The following POU6F2 variants were observed in gnomAD, a reference collection of about 807,000 sequenced individuals.
POU6F2 encodes POU class 6 homeobox 2, also known as POU domain, class 6, transcription factor 2.
Under a neutral mutation model 71.3 loss-of-function variants are expected in POU6F2, and 31 were observed. The ratio of observed to expected loss-of-function variants is 0.43; its 90% CI spans 0.33 to 0.59. The LOEUF (loss-of-function observed/expected upper bound fraction) is 0.59. Among genes scored for constraint, POU6F2 ranks in the 20% least tolerant of loss-of-function variants. The pLI is 0.04. For missense variants in POU6F2, 783 were observed against 856.8 expected (o/e 0.91, Z 1.07); for synonymous variants, 347 against 355.7 (o/e 0.98, Z 0.27).
intron 1 of POU6F2, among the ~76,000 whole-genome samples, chr7:39,070,389 T>A (rs1180404252): frequency 6.8e-6 from 1 of 147,980 alleles, no homozygotes; most frequent in African/African-American, 2.7e-5. Context: ...ACACTTCTGC[T>A]TTTGCCTCCA....
At chr7:39,327,131 C>T (rs1416617167) in intron 4 of POU6F2, among the ~76,000 whole-genome samples, 2 of 151,824 alleles carry the variant, frequency 1.3e-5, no homozygotes, top group Non-Finnish European at 2.9e-5. Context: ...TACAAAAAAT[C>T]AGCCTGGCGT....
chr7:39,071,309 G>C (rs1222500859), intron 1 of POU6F2, among the ~76,000 whole-genome samples: 1 of 151,892 alleles, frequency 6.6e-6, no homozygotes, highest in Non-Finnish European at 1.5e-5. Context: ...TGCCACCAGT[G>C]ATCCGACAGG....
chr7:39,406,571 T>C, intron 5 of POU6F2, 29 bp from the exon 6 acceptor site: 1 of 1,580,580 alleles, frequency 6.3e-7, no homozygotes, highest in South Asian at 1.1e-5. Flanking sequence ...TCTCGGTGGT[T>C]TTCACGGTGA....
At chr7:39,008,315 T>C (rs979489344) in intron 1 of POU6F2, among the ~76,000 whole-genome samples, 1 of 152,016 alleles carries the variant, frequency 6.6e-6, no homozygotes, top group East Asian at 1.9e-4. Context: ...TTTGGCTGCA[T>C]AAATATCTTC....
intron 5 of POU6F2, among the ~76,000 whole-genome samples, chr7:39,380,275 CA>C (rs1481996871): frequency 6.6e-6 from 1 of 152,142 alleles, no homozygotes; most frequent in Non-Finnish European, 1.5e-5. Flanking sequence ...GCCTCTTGGA[CA>C]AGGCATTTAA....
chr7:39,304,144 A>G (rs558832481), intron 4 of POU6F2, among the ~76,000 whole-genome samples: 1 of 152,328 alleles, frequency 6.6e-6, no homozygotes, highest in East Asian at 1.9e-4. Flanking sequence ...TTTATATTAA[A>G]AGCCCACCGA....
chr7:39,133,219 T>A (rs570539057), intron 2 of POU6F2, among the ~76,000 whole-genome samples: 1 of 152,206 alleles, frequency 6.6e-6, no homozygotes, highest in African/African-American at 2.4e-5. Flanking sequence ...TCTCTGAGTG[T>A]TGTAGTCAGC....
intron 2 of POU6F2, among the ~76,000 whole-genome samples, chr7:39,146,923 G>T (rs1792636496): frequency 6.6e-6 from 1 of 151,960 alleles, no homozygotes; most frequent in Non-Finnish European, 1.5e-5. Flanking sequence ...GAACTTAATG[G>T]CTTGAATATT....
intron 2 of POU6F2, among the ~76,000 whole-genome samples, chr7:39,103,610 G>A (rs1273557929): frequency 6.6e-6 from 1 of 152,164 alleles, no homozygotes; most frequent in South Asian, 2.1e-4. Flanking sequence ...TATCTCTTCA[G>A]AGAAAACTAG....
rs778523090 is a variant in POU6F2, at chr7:39,406,720, G to C, written c.1093G>C (p.Val365Leu). Residue 365 changes from valine to leucine, a missense_variant, in exon 6 of 10, where the codon GTT becomes CTT. Coordinates refer to ENST00000518318, the MANE Select transcript of POU6F2 (RefSeq NM_001370959.1). Reference sequence around the variant, plus strand: ...TCTTCAGGGGGTCACAGGTCAACTAGTTACTAATGCACAAGGACAGGTGAG... The same window carrying C: ...TCTTCAGGGGGTCACAGGTCAACTACTTACTAATGCACAAGGACAGGTGAG... ...SSLQGVTGQL[V>L]TNAQGQIIGT... is the part of the protein sequence containing the mutation. 70 of 1,613,570 alleles carry C rather than the reference G, an allele frequency of 4.3e-5. No homozygotes were observed. Among genetic ancestry groups the C allele is most frequent in the Non-Finnish European group, 5.5e-5 (65 of 1,179,894 alleles).
At position 39,433,108 on chromosome 7, in the gene POU6F2, C is replaced by T. The variant is rs956163011; in HGVS notation, c.1145C>T (p.Pro382Leu). 2.0e-5 allele frequency: 33 copies of T among 1,613,342 alleles called. No individual in the cohort carries two copies. Among genetic ancestry groups the T allele is most frequent in the Non-Finnish European group, 2.6e-5 (31 of 1,179,614 alleles). The part of the protein sequence containing the change: ...IIGTIPLMPN[P>L]GPSSQAASGT... ...GGGACCATTCCACTGATGCCTAATC[C>T]AGGGCCATCGAGCCAAGCAGCAAGC... Residue 382 changes from proline (P) to leucine (L), a missense_variant, in exon 7 of 10, where the codon CCA becomes CTA. Transcript: ENST00000518318.
chr7:39,325,064 GAT>G (rs1325446050), intron 4 of POU6F2, among the ~76,000 whole-genome samples: 3 of 152,100 alleles, frequency 2.0e-5, no homozygotes, highest in Non-Finnish European at 4.4e-5. Context: ...TAATATTTAT[GAT>G]ATGAGTAACT....
At chr7:39,283,648 TTTCTATATCCA>T (rs1784603343) in intron 4 of POU6F2, among the ~76,000 whole-genome samples, 1 of 152,220 alleles carries the variant, frequency 6.6e-6, no homozygotes, top group Non-Finnish European at 1.5e-5. Context: ...TACACAGCAT[TTTCTATATCCA>T]TTCATCTGCT....
intron 2 of POU6F2, among the ~76,000 whole-genome samples, chr7:39,176,746 A>C (rs915431839): frequency 2.6e-5 from 4 of 152,208 alleles, no homozygotes; most frequent in Non-Finnish European, 5.9e-5. Context: ...GAAATAACAC[A>C]TTTTCCAAAT....
At chr7:39,046,209 T>C (rs956268546) in intron 1 of POU6F2, among the ~76,000 whole-genome samples, 1 of 151,906 alleles carries the variant, frequency 6.6e-6, no homozygotes. Flanking sequence ...AATTACTAAA[T>C]AAGTGAGCAT....
At chr7:38,981,545 T>C (rs552853075) in intron 1 of POU6F2, among the ~76,000 whole-genome samples, 1 of 152,274 alleles carries the variant, frequency 6.6e-6, no homozygotes, top group East Asian at 1.9e-4. Flanking sequence ...ATGAACCAAA[T>C]TAGATGAAAA....
At chr7:39,109,298 A>C (rs1444843248) in intron 2 of POU6F2, among the ~76,000 whole-genome samples, 1 of 152,196 alleles carries the variant, frequency 6.6e-6, no homozygotes, top group Non-Finnish European at 1.5e-5. Flanking sequence ...AGCCTCCCGA[A>C]GTGCTGGGAT....
intron 4 of POU6F2, among the ~76,000 whole-genome samples, chr7:39,256,368 C>T (rs189459235): frequency 9.2e-5 from 14 of 152,108 alleles, no homozygotes; most frequent in Non-Finnish European, 1.5e-5. Context: ...GGAGAGGATC[C>T]CATCAGGCTG....
intron 6 of POU6F2, among the ~76,000 whole-genome samples, chr7:39,416,814 T>TAAAA (rs531942673): frequency 7.0e-6 from 1 of 142,442 alleles, no homozygotes; most frequent in African/African-American, 2.6e-5. Context: ...GTTAAAAATG[T>TAAAA]AAAAAAAAAA....
Sources: allele counts gnomAD v4.1 joint callset (sites outside exome capture counted in the v4.1 genomes callset), GRCh38; gene constraint gnomAD v4.1.1; transcripts MANE v1.5; gene names NCBI Gene and HGNC (gene_info 2026-07-23, HGNC 2026-07-21).